The following GRIA2 variants were observed in gnomAD, a reference collection of about 807,000 sequenced individuals.
GRIA2 encodes the protein glutamate receptor 2.
In GRIA2, 14 loss-of-function variants were observed where a neutral mutation model predicts 97.3. The ratio of observed to expected loss-of-function variants is 0.14; its 90% CI spans 0.10 to 0.23. The LOEUF (loss-of-function observed/expected upper bound fraction) is 0.23, where lower values mean the gene tolerates loss of function less well. Ranked by LOEUF, GRIA2 falls within the 10% of genes least tolerant of loss-of-function variation. GRIA2 has a pLI of 1.00. For synonymous variants in GRIA2, 412 were observed against 387.8 expected (o/e 1.06, Z -0.73); for missense variants, 558 against 1,069.8 (o/e 0.52, Z 6.67).
intron 6 of GRIA2, among the ~76,000 whole-genome samples, chr4:157,329,420 G>A (rs1335120053): frequency 2.0e-5 from 3 of 151,922 alleles, no homozygotes; most frequent in South Asian, 2.1e-4. Context: ...TTAACATTCC[G>A]AAGTATGTTA....
rs376885131 is a variant in GRIA2, at chr4:157,359,945, C to T, written c.2093C>T (p.Ala698Val). The T allele has an allele frequency of 3.8e-5, 62 of 1,613,242 alleles. No homozygotes were observed. In the Middle Eastern group the frequency reaches 1.2e-3, roughly 30 times the overall value. The change falls in exon 13 of 16, where the codon GCG (alanine) becomes GTG (valine). Residue 698 changes from alanine (A) to valine (V), a missense_variant. This residue lies in a region of GRIA2 where 125 missense variants were observed against 310.2 expected (regional missense o/e 0.40). Transcript: ENST00000264426. Reference sequence around the variant, plus strand: ...AAAATGTGGACCTACATGCGGAGTGCGGAGCCCTCTGTGTTTGTGAGGACT... The same window carrying T: ...AAAATGTGGACCTACATGCGGAGTGTGGAGCCCTCTGTGTTTGTGAGGACT... ...FDKMWTYMRS[A>V]EPSVFVRTTA...
At chr4:157,268,083 T>C (rs1731850773) in intron 2 of GRIA2, among the ~76,000 whole-genome samples, 1 of 152,048 alleles carries the variant, frequency 6.6e-6, no homozygotes, top group African/African-American at 2.4e-5. Flanking sequence ...ATTTATGAAA[T>C]ATTAACTAAA....
chr4:157,361,687 A>G lies in GRIA2; in HGVS notation c.2406+563A>G. ...TGCAGGTTTTATGTGAAAAAACAAAATCAAACACAAACAGCAAAATCAAAC... is the reference window on the plus strand; with the variant it reads ...TGCAGGTTTTATGTGAAAAAACAAAGTCAAACACAAACAGCAAAATCAAAC... On this transcript the variant is annotated intron_variant, in intron 14 of 15. Transcript: ENST00000264426. This position sits in a 1 kb window ranked among gnomAD's most constrained non-coding sequence, Gnocchi z 5.2. 6.9e-7 allele frequency: 1 copy of G among 1,440,220 alleles called. No homozygotes were observed. Among genetic ancestry groups the G allele is most frequent in the South Asian group, 1.1e-5 (1 of 87,064 alleles). The allele number at this position is 1,440,220 out of a possible 1,614,324, so 89.2% of individuals were successfully genotyped here.
chr4:157,232,570 T>C (rs760339405), intron 2 of GRIA2, among the ~76,000 whole-genome samples: 5 of 152,222 alleles, frequency 3.3e-5, no homozygotes, highest in Non-Finnish European at 5.9e-5. Flanking sequence ...TTTATGCTAT[T>C]ATTACTAATT....
At chr4:157,255,946 C>A (rs770002273) in intron 2 of GRIA2, among the ~76,000 whole-genome samples, 1 of 151,016 alleles carries the variant, frequency 6.6e-6, no homozygotes, top group Non-Finnish European at 1.5e-5. Flanking sequence ...CAAAATAAAA[C>A]GTCAATGAGA....
At chr4:157,355,600 A>ATATT (rs1736221410) in intron 12 of GRIA2, among the ~76,000 whole-genome samples, 1 of 102,614 alleles carries the variant, frequency 9.7e-6, no homozygotes, top group African/African-American at 4.2e-5. Flanking sequence ...ATTTATATAT[A>ATATT]TATTTATATA....
chr4:157,346,202 T>C lies in GRIA2; in HGVS notation c.2043+4740T>C, dbSNP rs570504129. On this transcript the variant is annotated intron_variant, in intron 12 of 15. Coordinates refer to ENST00000264426, the MANE Select transcript of GRIA2 (RefSeq NM_001083619.3). Reference sequence around the variant, plus strand: ...TTATATTTACATATGAAAACGTTCCTGAAAAGTAATTGCAAATAAAAATGG... The same window carrying C: ...TTATATTTACATATGAAAACGTTCCCGAAAAGTAATTGCAAATAAAAATGG... 3.3e-5 allele frequency among the ~76,000 whole-genome samples: 5 copies of C among 152,268 alleles called. No individual in the cohort carries two copies. The East Asian group carries it at 9.6e-4, about 29-fold the overall frequency.
At chr4:157,359,195 A>C (rs1352097937) in intron 12 of GRIA2, among the ~76,000 whole-genome samples, 1 of 152,168 alleles carries the variant, frequency 6.6e-6, no homozygotes, top group African/African-American at 2.4e-5. Context: ...TTCCTTTAAT[A>C]ATACAGTTTC....
Position 157,361,408 on chromosome 4 carries a change from T to G in GRIA2, c.2406+284T>G. Reference sequence around the variant, plus strand: ...ATTAATGCTCATTTGGCTCTGCAAATCTTACCGTTTGCTTAGGCCAAATGG... The same window carrying G: ...ATTAATGCTCATTTGGCTCTGCAAAGCTTACCGTTTGCTTAGGCCAAATGG... On this transcript the variant is annotated intron_variant, in intron 14 of 15. Transcript: ENST00000264426. This position sits in a 1 kb window ranked among gnomAD's most constrained non-coding sequence, Gnocchi z 5.2. 1.3e-6 allele frequency: 1 copy of G among 746,420 alleles called. No homozygotes were observed. The highest frequency in any genetic ancestry group is 2.2e-6 in the Non-Finnish European group (1 of 447,638). 46.2% of individuals were successfully genotyped at this position (746,420 alleles called of 1,614,324 possible).
intron 2 of GRIA2, among the ~76,000 whole-genome samples, chr4:157,262,673 G>T (rs1731596299): frequency 6.6e-6 from 1 of 151,828 alleles, no homozygotes; most frequent in East Asian, 1.9e-4. Context: ...CTTTTGTGTT[G>T]CATCCAAACA....
intron 12 of GRIA2, among the ~76,000 whole-genome samples, chr4:157,356,281 A>G (rs72964605): frequency 6.7e-6 from 1 of 148,916 alleles, no homozygotes; most frequent in African/African-American, 2.5e-5. Flanking sequence ...TAGAAAATCA[A>G]GGTGCAGTTG....
In GRIA2 at chr4:157,360,120, A is replaced by C; in HGVS notation, c.2268A>C (p.Ala756=). ...GNLDSKGYGI[A]TPKGSSLRNA... Reference sequence around the variant, plus strand: ...TGGATTCCAAAGGCTATGGCATCGCAACACCTAAAGGATCCTCATTAAGGT... The same window carrying C: ...TGGATTCCAAAGGCTATGGCATCGCCACACCTAAAGGATCCTCATTAAGGT... The change falls in exon 13 of 16, where the codon GCA becomes GCC. Residue 756 remains alanine (A), a synonymous_variant. Transcript: ENST00000264426. 1.2e-6 allele frequency: 2 copies of C among 1,613,904 alleles called. No homozygotes were observed. The highest frequency in any genetic ancestry group is 1.7e-6 in the Non-Finnish European group (2 of 1,179,878).
chr4:157,322,336 T>TA (rs574357193), intron 6 of GRIA2, among the ~76,000 whole-genome samples: 1 of 151,518 alleles, frequency 6.6e-6, no homozygotes, highest in East Asian at 1.9e-4. Context: ...AAAAAGAAGA[T>TA]AAAAATCTCA....
Position 157,361,270 on chromosome 4 carries a change from T to C in GRIA2, c.2406+146T>C, listed in dbSNP as rs540262953. The C allele has an allele frequency of 8.5e-4, 570 of 674,432 alleles. No homozygotes were observed. In the African/African-American group the frequency reaches 9.4e-3, roughly 11 times the overall value. 41.8% of individuals were successfully genotyped at this position (674,432 alleles called of 1,614,324 possible). A position where few individuals can be genotyped will look rare whatever the true frequency, so the allele number is the denominator to read the frequency against. ...GATGACCAGGACACTTGACTTCTTCTTTCTTTCTTCCTCTACTTCTCTTTC... is the reference window on the plus strand; with the variant it reads ...GATGACCAGGACACTTGACTTCTTCCTTCTTTCTTCCTCTACTTCTCTTTC... On this transcript the variant is annotated intron_variant, in intron 14 of 15. Coordinates refer to ENST00000264426, the MANE Select transcript of GRIA2 (RefSeq NM_001083619.3). The surrounding 1 kb of genome is among the most constrained non-coding windows in gnomAD (Gnocchi z 5.2).
intron 9 of GRIA2, 198 bp from the exon 10 acceptor site, chr4:157,335,473 T>A: frequency 1.7e-6 from 1 of 573,416 alleles, no homozygotes; most frequent in African/African-American, 1.9e-5. Flanking sequence ...TCTTAATGAA[T>A]TATAGTGATA....
intron 6 of GRIA2, among the ~76,000 whole-genome samples, chr4:157,329,157 C>T (rs1734937008): frequency 6.6e-6 from 1 of 151,690 alleles, no homozygotes; most frequent in Non-Finnish European, 1.5e-5. Context: ...TCTTATGGCC[C>T]TATTTGATTT....
intron 6 of GRIA2, among the ~76,000 whole-genome samples, 198 bp from the exon 7 acceptor site, chr4:157,332,621 G>T (rs1249231008): frequency 6.6e-6 from 1 of 151,938 alleles, no homozygotes; most frequent in African/African-American, 2.4e-5. Flanking sequence ...AATGTTTAGA[G>T]TCAGGAGCAC....
intron 3 of GRIA2, 123 bp from the exon 4 acceptor site, chr4:157,312,556 G>A (rs1224467246): frequency 5.6e-6 from 3 of 537,900 alleles, no homozygotes; most frequent in Non-Finnish European, 6.3e-6. Flanking sequence ...TTTTGAAGGA[G>A]TCAACATTCC....
intron 6 of GRIA2, 141 bp downstream of exon 6, chr4:157,321,740 A>G (rs1373047683): frequency 5.3e-6 from 3 of 564,324 alleles, no homozygotes; most frequent in East Asian, 3.0e-5. Flanking sequence ...ACTGCTAAAT[A>G]TATTTTTCAC....
Sources: allele counts gnomAD v4.1 joint callset (sites outside exome capture counted in the v4.1 genomes callset), GRCh38; gene constraint gnomAD v4.1.1; regional missense constraint gnomAD v4.1.1; non-coding constraint Gnocchi (gnomAD v3.1); transcripts MANE v1.5; gene names NCBI Gene and HGNC (gene_info 2026-07-23, HGNC 2026-07-21).